TMEFF2: variants seen among roughly 807,000 people sequenced by gnomAD.
TMEFF2 encodes transmembrane protein with EGF like and two follistatin like domains 2, also known as tomoregulin-2.
In TMEFF2, 28 loss-of-function variants were observed where a neutral mutation model predicts 53.8. The ratio of observed to expected loss-of-function variants is 0.52; its 90% CI spans 0.39 to 0.71. The LOEUF (loss-of-function observed/expected upper bound fraction) is 0.71. TMEFF2 is among the 30% of genes least tolerant of loss of function. The probability of loss-of-function intolerance (pLI) is 0.00; values close to 1 mark genes in which losing one functional copy is unlikely to be tolerated. For synonymous variants in TMEFF2, 162 were observed against 166.3 expected (o/e 0.97, Z 0.20); for missense variants, 353 against 455.2 (o/e 0.78, Z 2.04).
intron 8 of TMEFF2, among the ~76,000 whole-genome samples, chr2:191,954,385 G>T (rs1486935610): frequency 1.3e-5 from 2 of 151,958 alleles, no homozygotes; most frequent in East Asian, 3.9e-4. Context: ...AAGGTAGGAG[G>T]ATTACTAGAT....
At chr2:192,122,451 T>C (rs1200400475) in intron 4 of TMEFF2, among the ~76,000 whole-genome samples, 2 of 152,224 alleles carry the variant, frequency 1.3e-5, no homozygotes, top group Non-Finnish European at 2.9e-5. Context: ...TGATAAGTTA[T>C]GCAGTTTTTC....
At chr2:192,037,606 GTGAGAGAGAA>G (rs1295784099) in intron 5 of TMEFF2, among the ~76,000 whole-genome samples, 5 of 129,022 alleles carry the variant, frequency 3.9e-5, no homozygotes, top group Middle Eastern at 3.4e-3. Context: ...TTGTGCGTGT[GTGAGAGAGAA>G]AGAGAGAGAG....
intron 4 of TMEFF2, among the ~76,000 whole-genome samples, chr2:192,174,525 T>A (rs969199036): frequency 6.6e-6 from 1 of 151,632 alleles, no homozygotes; most frequent in African/African-American, 2.4e-5. Context: ...TTCTTTTAGG[T>A]AAAGAGAAAG....
At chr2:191,978,401 C>A (rs1047035582) in intron 7 of TMEFF2, among the ~76,000 whole-genome samples, 3 of 151,592 alleles carry the variant, frequency 2.0e-5, no homozygotes, top group African/African-American at 7.3e-5. Context: ...ATAATTCTTT[C>A]ATTGAAAAGT....
chr2:192,187,059 A>T (rs1208822027), intron 2 of TMEFF2, among the ~76,000 whole-genome samples: 1 of 152,148 alleles, frequency 6.6e-6, no homozygotes, highest in African/African-American at 2.4e-5. Flanking sequence ...TACTGGCATG[A>T]TGTTTTTGGC....
At chr2:192,171,591 A>G (rs765587303) in intron 4 of TMEFF2, among the ~76,000 whole-genome samples, 11 of 151,934 alleles carry the variant, frequency 7.2e-5, no homozygotes, top group Non-Finnish European at 1.5e-4. Context: ...CTTCTCACTC[A>G]TTTTAGCCCA....
chr2:192,147,152 A>C (rs541859946), intron 4 of TMEFF2, among the ~76,000 whole-genome samples: 1 of 152,026 alleles, frequency 6.6e-6, no homozygotes, highest in Non-Finnish European at 1.5e-5. Context: ...TCATAAGAAG[A>C]AACAGGAACT....
At chr2:191,978,461 A>T (rs1161543361) in intron 7 of TMEFF2, among the ~76,000 whole-genome samples, 1 of 143,900 alleles carries the variant, frequency 6.9e-6, no homozygotes, top group Non-Finnish European at 1.5e-5. Flanking sequence ...AGCCCTATTA[A>T]AAAAAAAAAA....
At chr2:192,128,380 T>C (rs1429207996) in intron 4 of TMEFF2, among the ~76,000 whole-genome samples, 1 of 152,244 alleles carries the variant, frequency 6.6e-6, no homozygotes, top group African/African-American at 2.4e-5. Context: ...TAAGTCACTG[T>C]AGCCTTCAAA....
At chr2:191,998,200 C>T (rs1686269511) in intron 7 of TMEFF2, 62 bp downstream of exon 7, 4 of 1,310,770 alleles carry the variant, frequency 3.1e-6, no homozygotes, top group Non-Finnish European at 3.2e-6. Flanking sequence ...AGTAAACAAC[C>T]ATTTCCCAGG....
intron 4 of TMEFF2, among the ~76,000 whole-genome samples, chr2:192,075,298 T>TATATAA (rs1163181239): frequency 2.4e-4 from 9 of 37,728 alleles, no homozygotes; most frequent in East Asian, 9.2e-4. Context: ...TATATATATA[T>TATATAA]ATATATATAT....
chr2:192,122,571 C>T (rs1689581902), intron 4 of TMEFF2, among the ~76,000 whole-genome samples: 1 of 152,072 alleles, frequency 6.6e-6, no homozygotes, highest in Non-Finnish European at 1.5e-5. Context: ...CTGCATTATA[C>T]GGCTTCGGTA....
chr2:192,181,237 T>C (rs1045672499), intron 3 of TMEFF2, among the ~76,000 whole-genome samples: 5 of 151,808 alleles, frequency 3.3e-5, no homozygotes, highest in African/African-American at 1.2e-4. Flanking sequence ...CAGACAAAAA[T>C]TTTAATTGAT....
chr2:192,134,586 C>G (rs1322482186), intron 4 of TMEFF2, among the ~76,000 whole-genome samples: 2 of 152,138 alleles, frequency 1.3e-5, no homozygotes, highest in African/African-American at 4.8e-5. Flanking sequence ...AAGGATTATT[C>G]AGGCCCCCTC....
chr2:192,120,653 T>A (rs1385472769), intron 4 of TMEFF2, among the ~76,000 whole-genome samples: 1 of 152,232 alleles, frequency 6.6e-6, no homozygotes, highest in Non-Finnish European at 1.5e-5. Flanking sequence ...TGTGGTCTTT[T>A]GGGTGACAAT....
chr2:192,152,928 T>G (rs1221075895), intron 4 of TMEFF2, among the ~76,000 whole-genome samples: 2 of 151,890 alleles, frequency 1.3e-5, no homozygotes, highest in Non-Finnish European at 2.9e-5. Context: ...ACCATAAGGA[T>G]GAACTGGTCA....
intron 4 of TMEFF2, among the ~76,000 whole-genome samples, chr2:192,110,924 G>A (rs1293288660): frequency 6.6e-6 from 1 of 152,122 alleles, no homozygotes; most frequent in Non-Finnish European, 1.5e-5. Context: ...GGTTTTATAA[G>A]GGGAAGCCCT....
chr2:192,138,896 A>G (rs1690072779), intron 4 of TMEFF2, among the ~76,000 whole-genome samples: 1 of 152,180 alleles, frequency 6.6e-6, no homozygotes, highest in African/African-American at 2.4e-5. Context: ...TTAAGAATCA[A>G]CAGCTATTAT....
intron 5 of TMEFF2, among the ~76,000 whole-genome samples, chr2:192,055,805 G>A (rs1281234417): frequency 2.1e-5 from 3 of 142,786 alleles, no homozygotes; most frequent in Non-Finnish European, 3.0e-5. Flanking sequence ...AAAAAGAAGC[G>A]AGACTCTGTC....
Sources: gnomAD v4.1 joint callset for allele counts (sites outside exome capture counted in the v4.1 genomes callset) on GRCh38, gnomAD v4.1.1 for gene constraint, MANE v1.5 for transcripts, NCBI Gene and HGNC (gene_info 2026-07-23, HGNC 2026-07-21) for gene names.